Variants in ARFGEF2 observed in about 807,000 individuals in gnomAD.
The protein encoded by ARFGEF2 is ARF guanine nucleotide exchange factor 2, also known as brefeldin A-inhibited guanine nucleotide-exchange protein 2.
A neutral mutation model predicts 219.9 loss-of-function variants in ARFGEF2; 74 were observed. The observed-to-expected ratio is 0.34, with a 90% CI of 0.28 to 0.41. The LOEUF is 0.41. Ranked by LOEUF, ARFGEF2 falls within the 10% of genes least tolerant of loss-of-function variation. The pLI is 1.00. For missense variants in ARFGEF2, 1,743 were observed against 2,218.3 expected, an observed-to-expected ratio of 0.79 and a Z score of 4.30; for synonymous variants, 733 against 799.2, an observed-to-expected ratio of 0.92 and a Z score of 1.40.
At chr20:48,964,940 T>A (rs141574170) in intron 7 of ARFGEF2, among the ~76,000 whole-genome samples, 1 of 152,254 alleles carries the variant, frequency 6.6e-6, no homozygotes, top group East Asian at 1.9e-4. Context: ...CAGTTACTTA[T>A]GTGCCCATGT....
chr20:48,996,372 G>A (rs926246887), intron 23 of ARFGEF2, among the ~76,000 whole-genome samples: 5 of 150,338 alleles, frequency 3.3e-5, no homozygotes, highest in African/African-American at 9.8e-5. Flanking sequence ...GGAGAATGGC[G>A]TGAACCCAGG....
chr20:48,984,427 G>A (rs1303032501), intron 14 of ARFGEF2, among the ~76,000 whole-genome samples: 1 of 152,186 alleles, frequency 6.6e-6, no homozygotes, highest in African/African-American at 2.4e-5. Flanking sequence ...TTATTTAAGG[G>A]AGGCAGGGAA....
intron 1 of ARFGEF2, among the ~76,000 whole-genome samples, chr20:48,939,276 A>G (rs953145547): frequency 3.3e-5 from 5 of 152,048 alleles, no homozygotes; most frequent in Admixed American, 1.3e-4. Flanking sequence ...CCTGGCCTAT[A>G]GTGGCATTTC....
At chr20:49,031,007 A>G (rs1448942501) in intron 37 of ARFGEF2, among the ~76,000 whole-genome samples, 1 of 152,104 alleles carries the variant, frequency 6.6e-6, no homozygotes, top group Non-Finnish European at 1.5e-5. Context: ...TAAAAAAAAG[A>G]GATATGTAAA....
chr20:49,023,341 G>T (rs1226178829), intron 35 of ARFGEF2, among the ~76,000 whole-genome samples, 160 bp downstream of exon 35: 1 of 152,104 alleles, frequency 6.6e-6, no homozygotes, highest in Non-Finnish European at 1.5e-5. Flanking sequence ...CTTAAAATTG[G>T]CCTTGATGGG....
chr20:48,952,657 A>G, intron 4 of ARFGEF2, 48 bp from the exon 5 acceptor site: 1 of 1,594,132 alleles, frequency 6.3e-7, no homozygotes, highest in South Asian at 1.1e-5. Context: ...GGAGGGCAGG[A>G]AGGTGATGTG....
At chr20:49,024,575 C>T (rs1238092375) in intron 35 of ARFGEF2, among the ~76,000 whole-genome samples, 1 of 152,184 alleles carries the variant, frequency 6.6e-6, no homozygotes, top group Admixed American at 6.6e-5. Context: ...GTTTTAAATA[C>T]TAGCAAAAGT....
chr20:49,025,527 T>A (rs1469544517), intron 36 of ARFGEF2, 46 bp downstream of exon 36: 2 of 1,608,604 alleles, frequency 1.2e-6, no homozygotes, highest in Admixed American at 1.7e-5. Context: ...CTGGTCACCT[T>A]CCTAAAACAT....
intron 1 of ARFGEF2, among the ~76,000 whole-genome samples, chr20:48,922,723 G>A (rs976233573): frequency 5.9e-5 from 9 of 152,178 alleles, no homozygotes; most frequent in Non-Finnish European, 1.3e-4. Flanking sequence ...ATGGAAAGAG[G>A]GAGAATTCTA....
At chr20:49,027,156 C>T (rs917627454) in intron 36 of ARFGEF2, among the ~76,000 whole-genome samples, 3 of 151,608 alleles carry the variant, frequency 2.0e-5, no homozygotes, top group African/African-American at 7.3e-5. Context: ...GTGATCTTGG[C>T]TCACTGCAAC....
At chr20:49,014,746 T>G (rs1410841972) in intron 30 of ARFGEF2, among the ~76,000 whole-genome samples, 5 of 152,186 alleles carry the variant, frequency 3.3e-5, no homozygotes. Flanking sequence ...GGCAACATAG[T>G]GAGACCATAT....
At chr20:49,006,272 C>T (rs922938828) in intron 26 of ARFGEF2, among the ~76,000 whole-genome samples, 1 of 151,958 alleles carries the variant, frequency 6.6e-6, no homozygotes, top group African/African-American at 2.4e-5. Flanking sequence ...CCAGCCTGGG[C>T]AACAAGAGCG....
chr20:49,016,153 T>C, intron 30 of ARFGEF2, 127 bp from the exon 31 acceptor site: 1 of 979,158 alleles, frequency 1.0e-6, no homozygotes, highest in Non-Finnish European at 1.6e-6. Context: ...GTATTAACAT[T>C]TTTAAGACGT....
Position 48,972,948 on chromosome 20 carries a change from A to G in ARFGEF2, c.1526-197A>G, listed in dbSNP as rs75697333. Among the ~76,000 whole-genome samples the G allele has an allele frequency of 0.012, 1,839 of 152,262 alleles. 31 individuals carry two copies. Among genetic ancestry groups the G allele is most frequent in the African/African-American group, 0.039 (1,609 of 41,540 alleles). ...GTGGAATGAACTGCCTGAGATTTCA[A>G]TTTGCTCAGAAGCAGGCCTAAAAAC... On this transcript the variant is annotated intron_variant, in intron 11 of 38. Coordinates refer to ENST00000371917, the MANE Select transcript of ARFGEF2 (RefSeq NM_006420.3).
chr20:49,031,962 A>T, intron 37 of ARFGEF2, 87 bp from the exon 38 acceptor site: 1 of 1,011,710 alleles, frequency 9.9e-7, no homozygotes, highest in Non-Finnish European at 1.5e-6. Flanking sequence ...AATAATTTTA[A>T]AAATAGCACA....
At chr20:49,020,069 A>G (rs1013218293) in intron 34 of ARFGEF2, among the ~76,000 whole-genome samples, 1 of 152,202 alleles carries the variant, frequency 6.6e-6, no homozygotes, top group African/African-American at 2.4e-5. Context: ...CGTTTGAGGG[A>G]ACTGGGGCTT....
intron 31 of ARFGEF2, 34 bp from the exon 32 acceptor site, chr20:49,017,215 G>C: frequency 6.2e-7 from 1 of 1,610,816 alleles, no homozygotes; most frequent in Non-Finnish European, 8.5e-7. Context: ...AATAGCAGTA[G>C]AAGTTTAATG....
At chr20:49,018,384 C>T (rs1336824554) in intron 33 of ARFGEF2, among the ~76,000 whole-genome samples, 1 of 151,976 alleles carries the variant, frequency 6.6e-6, no homozygotes. Flanking sequence ...TACAGGTGCC[C>T]GCCACCATGT....
chr20:48,982,657 C>T (rs113924526), intron 14 of ARFGEF2, among the ~76,000 whole-genome samples: 5,925 of 152,278 alleles, frequency 0.039, 172 homozygotes, highest in Non-Finnish European at 0.058. Context: ...CTGCCCAGTT[C>T]GAGCTTCACC....
Sources: gnomAD v4.1 joint callset for allele counts (sites outside exome capture counted in the v4.1 genomes callset) on GRCh38, gnomAD v4.1.1 for gene constraint, MANE v1.5 for transcripts, NCBI Gene and HGNC (gene_info 2026-07-23, HGNC 2026-07-21) for gene names.